Variants in SMARCC1 observed in about 807,000 individuals in gnomAD.
SMARCC1 encodes SWI/SNF complex subunit SMARCC1.
Under a neutral mutation model 147.4 loss-of-function variants are expected in SMARCC1, and 43 were observed. The observed-to-expected ratio is 0.29, with a 90% confidence interval of 0.23 to 0.38. The LOEUF (loss-of-function observed/expected upper bound fraction) is 0.38. Ranked by LOEUF, SMARCC1 falls within the 10% of genes least tolerant of loss-of-function variation. The pLI is 1.00. For missense variants in SMARCC1, 1,119 were observed against 1,381.1 expected (o/e 0.81, Z 3.01); for synonymous variants, 495 against 484.4 (o/e 1.02, Z -0.29).
At chr3:47,778,377 C>T (rs1012696121) in intron 1 of SMARCC1, among the ~76,000 whole-genome samples, 4 of 151,904 alleles carry the variant, frequency 2.6e-5, no homozygotes, top group Non-Finnish European at 4.4e-5. Flanking sequence ...GGTGCCAACA[C>T]AGTTCACCGC....
intron 26 of SMARCC1, among the ~76,000 whole-genome samples, chr3:47,591,822 G>C (rs1482743145): frequency 1.3e-5 from 2 of 152,176 alleles, no homozygotes; most frequent in Non-Finnish European, 1.5e-5. Flanking sequence ...TGGGATTACA[G>C]GCGTGAGCCA....
chr3:47,635,439 T>C, intron 23 of SMARCC1, 95 bp from the exon 24 acceptor site: 3 of 1,083,160 alleles, frequency 2.8e-6, no homozygotes, highest in Non-Finnish European at 2.7e-6. Context: ...AGGACTGATA[T>C]GACAAAGAGA....
intron 2 of SMARCC1, among the ~76,000 whole-genome samples, chr3:47,759,688 A>G (rs2106859918): frequency 6.6e-6 from 1 of 150,714 alleles, no homozygotes; most frequent in East Asian, 2.0e-4. Flanking sequence ...TAATCCCAGC[A>G]CTTTGGGAGG....
chr3:47,679,432 T>C (rs1251103174), intron 15 of SMARCC1, among the ~76,000 whole-genome samples: 1 of 152,200 alleles, frequency 6.6e-6, no homozygotes, highest in Non-Finnish European at 1.5e-5. Context: ...CTTTATGCAA[T>C]TAAGCTCCAT....
chr3:47,601,668 G>A (rs2032388428), intron 26 of SMARCC1: 1 of 152,404 alleles, frequency 6.6e-6, no homozygotes, highest in Non-Finnish European at 1.5e-5. Context: ...TAAAATCTTG[G>A]CTGATGTGAT....
At chr3:47,680,414 G>C in intron 15 of SMARCC1, 23 bp downstream of exon 15, 1 of 1,577,654 alleles carries the variant, frequency 6.3e-7, no homozygotes, top group Non-Finnish European at 8.7e-7. Flanking sequence ...AAATAAACAA[G>C]TTTTCTAAAA....
chr3:47,665,366 G>A (rs946692256), intron 19 of SMARCC1, among the ~76,000 whole-genome samples: 7 of 152,078 alleles, frequency 4.6e-5, no homozygotes, highest in African/African-American at 7.2e-5. Flanking sequence ...AATCTCACTC[G>A]GGTCCACGGA....
chr3:47,658,890 C>T (rs1178920241), intron 21 of SMARCC1, among the ~76,000 whole-genome samples: 7 of 151,974 alleles, frequency 4.6e-5, no homozygotes, highest in Admixed American at 1.3e-4. Flanking sequence ...CAGACCGAGG[C>T]GGGTGGATCA....
intron 2 of SMARCC1, among the ~76,000 whole-genome samples, chr3:47,751,584 A>G (rs912753785): frequency 6.6e-6 from 1 of 152,010 alleles, no homozygotes; most frequent in African/African-American, 2.4e-5. Context: ...CAATTTTCCA[A>G]TGGTAAAATA....
rs371128971 is a variant in SMARCC1 at position 47,737,817 on chromosome 3, G to A, written c.483+212C>T. 4.4e-3 allele frequency among the ~76,000 whole-genome samples: 640 copies of A among 146,242 alleles called. 8 individuals carry two copies. Among genetic ancestry groups the A allele is most frequent in the African/African-American group, 0.015 (618 of 40,584 alleles). Reference sequence around the variant, plus strand: ...ACTACAGGTACCCGGAACCACGTGCGGCTAATTTTTTTTTTTTTTTTTTTT... The same window carrying A: ...ACTACAGGTACCCGGAACCACGTGCAGCTAATTTTTTTTTTTTTTTTTTTT... On this transcript the variant is annotated intron_variant, in intron 4 of 27. Coordinates refer to ENST00000254480, the MANE Select transcript of SMARCC1 (RefSeq NM_003074.4).
chr3:47,753,826 T>C (rs189367331), intron 2 of SMARCC1, among the ~76,000 whole-genome samples: 27 of 150,390 alleles, frequency 1.8e-4, no homozygotes, highest in Admixed American at 9.3e-4. Flanking sequence ...TATCAGTCAA[T>C]AAATGACTGT....
At chr3:47,771,518 T>A (rs999684421) in intron 2 of SMARCC1, among the ~76,000 whole-genome samples, 2 of 152,006 alleles carry the variant, frequency 1.3e-5, no homozygotes, top group Non-Finnish European at 1.5e-5. Context: ...GAGGCCGAGG[T>A]AGGGAAATCA....
chr3:47,680,266 G>T, intron 15 of SMARCC1, 171 bp downstream of exon 15: 1 of 570,522 alleles, frequency 1.8e-6, no homozygotes, highest in South Asian at 2.0e-5. Flanking sequence ...AACGAAACTA[G>T]ATACAATTTC....
intron 24 of SMARCC1, among the ~76,000 whole-genome samples, chr3:47,624,820 C>T (rs186205957): frequency 1.2e-4 from 18 of 149,494 alleles, no homozygotes; most frequent in Admixed American, 4.1e-4. Context: ...TTTGGGAAGG[C>T]GAGTGGATTA....
At position 47,722,058 on chromosome 3, in the gene SMARCC1, C is replaced by T. The variant is rs555599611; in HGVS notation, c.647-1323G>A. Among the ~76,000 whole-genome samples the T allele has an allele frequency of 1.8e-4, 28 of 151,782 alleles. 1 individual carries two copies. Among genetic ancestry groups the T allele is most frequent in the Admixed American group, 1.4e-3 (22 of 15,188 alleles). ...AAAATGACAGAATCAGGCCCTGTTC[C>T]CTAACATGGTAACTCAACATGGCAG... On this transcript the variant is annotated intron_variant, in intron 6 of 27. Transcript: ENST00000254480.
intron 5 of SMARCC1, among the ~76,000 whole-genome samples, chr3:47,735,491 C>T (rs1443966874): frequency 1.3e-5 from 2 of 151,966 alleles, no homozygotes; most frequent in Non-Finnish European, 2.9e-5. Flanking sequence ...CCATTGTGGC[C>T]GGGCACAGTG....
At position 47,765,877 on chromosome 3, in the gene SMARCC1, C is replaced by T. The variant is rs545121062; in HGVS notation, c.315+6940G>A. Among the ~76,000 whole-genome samples the T allele has an allele frequency of 2.0e-4, 30 of 152,090 alleles. No homozygotes were observed. In the East Asian group the frequency reaches 4.6e-3, roughly 24 times the overall value. On this transcript the variant is annotated intron_variant, in intron 2 of 27. Coordinates refer to ENST00000254480, the MANE Select transcript of SMARCC1 (RefSeq NM_003074.4). ...CCTCCCGAGCAGCTGGGATTACAGG[C>T]GCCTGCCACCACACCCGGGTAATTT...
Position 47,753,930 on chromosome 3 carries a change from G to T in SMARCC1, c.316-7937C>A, listed in dbSNP as rs576326035. ...AAGTCATCCTCACACCTTGAAAATG[G>T]TTGAAAGAGAAAAAAATACATCATT... On this transcript the variant is annotated intron_variant, in intron 2 of 27. Transcript: ENST00000254480. 5.9e-5 allele frequency among the ~76,000 whole-genome samples: 9 copies of T among 152,120 alleles called. No homozygotes were observed. The South Asian group carries it at 1.9e-3, about 32-fold the overall frequency.
intron 26 of SMARCC1, chr3:47,604,621 G>A (rs1250453748): frequency 4.1e-6 from 1 of 244,000 alleles, no homozygotes; most frequent in South Asian, 5.0e-5. Context: ...TTAGAATATG[G>A]TCTATCAGAC....
Sources: gnomAD v4.1 joint callset for allele counts (sites outside exome capture counted in the v4.1 genomes callset) on GRCh38, gnomAD v4.1.1 for gene constraint, MANE v1.5 for transcripts, NCBI Gene and HGNC (gene_info 2026-07-23, HGNC 2026-07-21) for gene names.